CDH13: variants seen among roughly 807,000 people sequenced by gnomAD.
CDH13 encodes the protein cadherin-13.
Under a neutral mutation model 63.8 loss-of-function variants are expected in CDH13, and 24 were observed. That is an observed-to-expected ratio of 0.38 (90% CI 0.27 to 0.53). The LOEUF (loss-of-function observed/expected upper bound fraction) is 0.53. Among genes scored for constraint, CDH13 ranks in the 20% least tolerant of loss-of-function variants. The pLI is 0.85. For missense variants in CDH13, 1,049 were observed against 903.1 expected, an observed-to-expected ratio of 1.16 and a Z score of -2.07; for synonymous variants, 503 against 355.3, an observed-to-expected ratio of 1.42 and a Z score of -4.67.
chr16:83,173,585 A>T (rs114825093), intron 4 of CDH13, among the ~76,000 whole-genome samples: 1 of 152,156 alleles, frequency 6.6e-6, no homozygotes, highest in African/African-American at 2.4e-5. Context: ...CAACTATTGC[A>T]CTGGACATAT....
chr16:83,247,763 G>T (rs8055902), intron 5 of CDH13, among the ~76,000 whole-genome samples: 23,461 of 152,044 alleles, frequency 0.15, 1,876 homozygotes, highest in Middle Eastern at 0.2. Flanking sequence ...AATCCTTTCA[G>T]TGGACAAACC....
At chr16:83,017,795 C>G (rs1434444892) in intron 2 of CDH13, among the ~76,000 whole-genome samples, 3 of 152,102 alleles carry the variant, frequency 2.0e-5, no homozygotes, top group African/African-American at 4.8e-5. Flanking sequence ...AACCAACACG[C>G]TTTGATGCCA....
intron 1 of CDH13, among the ~76,000 whole-genome samples, chr16:82,756,767 G>C (rs899723881): frequency 6.6e-6 from 1 of 152,162 alleles, no homozygotes; most frequent in East Asian, 1.9e-4. Context: ...AGCATTCTTG[G>C]AAGATTATGC....
intron 2 of CDH13, among the ~76,000 whole-genome samples, chr16:82,913,192 T>G (rs986649153): frequency 6.6e-6 from 1 of 151,976 alleles, no homozygotes; most frequent in Non-Finnish European, 1.5e-5. Flanking sequence ...GTCTAAAAAG[T>G]GTTTCTAGGT....
chr16:83,117,472 C>T (rs1415348931), intron 3 of CDH13, among the ~76,000 whole-genome samples: 4 of 152,144 alleles, frequency 2.6e-5, no homozygotes, highest in African/African-American at 9.7e-5. Flanking sequence ...CTGAGCACTT[C>T]CAGCCCTCCT....
chr16:82,943,952 A>G (rs984027569), intron 2 of CDH13, among the ~76,000 whole-genome samples: 59 of 152,188 alleles, frequency 3.9e-4, no homozygotes, highest in Admixed American at 3.5e-3. Flanking sequence ...GGCCCAGGCA[A>G]TGTTGTCCTT....
At chr16:83,544,178 A>G (rs527436342) in intron 7 of CDH13, among the ~76,000 whole-genome samples, 1 of 152,276 alleles carries the variant, frequency 6.6e-6, no homozygotes, top group South Asian at 2.1e-4. Context: ...TACAGTCCCC[A>G]CATTGCAGAA....
At chr16:83,067,614 G>C (rs969894151) in intron 3 of CDH13, among the ~76,000 whole-genome samples, 1 of 152,226 alleles carries the variant, frequency 6.6e-6, no homozygotes, top group East Asian at 1.9e-4. Flanking sequence ...TTTAACTTTA[G>C]GGATAAAATG....
intron 1 of CDH13, among the ~76,000 whole-genome samples, chr16:82,747,022 G>C (rs1449825360): frequency 6.6e-6 from 1 of 152,286 alleles, no homozygotes; most frequent in East Asian, 1.9e-4. Flanking sequence ...GATTGTCTTA[G>C]TCCTCTTCTA....
intron 8 of CDH13, among the ~76,000 whole-genome samples, chr16:83,647,433 C>T (rs1469324775): frequency 6.6e-6 from 1 of 152,138 alleles, no homozygotes; most frequent in Non-Finnish European, 1.5e-5. Flanking sequence ...GAAAGTTTCT[C>T]CCCCATTTTG....
chr16:83,106,614 C>T (rs889620906), intron 3 of CDH13, among the ~76,000 whole-genome samples: 3 of 152,266 alleles, frequency 2.0e-5, no homozygotes, highest in African/African-American at 7.2e-5. Flanking sequence ...CATGTTGATA[C>T]ATCCACAAGA....
intron 4 of CDH13, among the ~76,000 whole-genome samples, chr16:83,153,246 G>C (rs2037065771): frequency 6.6e-6 from 1 of 152,022 alleles, no homozygotes; most frequent in Admixed American, 6.6e-5. Context: ...TGAAATCATG[G>C]GGTGTCATGT....
chr16:83,726,024 C>G (rs772180269), intron 10 of CDH13: 1 of 152,186 alleles, frequency 6.6e-6, no homozygotes, highest in Non-Finnish European at 1.5e-5. Context: ...CTTTATTTTT[C>G]TCAGCTTTTT....
chr16:83,100,465 G>A (rs907222443), intron 3 of CDH13, among the ~76,000 whole-genome samples: 1 of 152,080 alleles, frequency 6.6e-6, no homozygotes, highest in East Asian at 1.9e-4. Flanking sequence ...ATGCAGCATT[G>A]GTTTAGAGAC....
At chr16:82,763,146 G>C (rs1567509832) in intron 1 of CDH13, among the ~76,000 whole-genome samples, 1 of 152,172 alleles carries the variant, frequency 6.6e-6, no homozygotes, top group Non-Finnish European at 1.5e-5. Flanking sequence ...TGCTCTTGCT[G>C]CTTGACCTGC....
intron 7 of CDH13, among the ~76,000 whole-genome samples, chr16:83,511,230 C>T (rs1295533313): frequency 1.3e-5 from 2 of 152,188 alleles, no homozygotes; most frequent in Non-Finnish European, 2.9e-5. Context: ...GGGAGGCCTA[C>T]AAGGGCAGAT....
Position 83,167,083 on chromosome 16 carries a change from T to C in CDH13, c.483+41582T>C, listed in dbSNP as rs1308726882. On this transcript the variant is annotated intron_variant, in intron 4 of 13. Transcript: ENST00000567109. ...AACACGGCAGATTTCTCCTGGTGTTTTAATAATTCCACGAAGGTTTATGAA... is the reference window on the plus strand; with the variant it reads ...AACACGGCAGATTTCTCCTGGTGTTCTAATAATTCCACGAAGGTTTATGAA... 2.0e-5 allele frequency among the ~76,000 whole-genome samples: 3 copies of C among 152,134 alleles called. No homozygotes were observed. In the East Asian group the frequency reaches 5.8e-4, roughly 29 times the overall value.
intron 10 of CDH13, among the ~76,000 whole-genome samples, chr16:83,713,442 A>G (rs958404104): frequency 6.6e-6 from 1 of 151,820 alleles, no homozygotes; most frequent in Non-Finnish European, 1.5e-5. Context: ...GGAGGGAGGG[A>G]GATTTTGAAG....
chr16:82,743,736 G>C (rs575905645), intron 1 of CDH13, among the ~76,000 whole-genome samples: 9 of 152,192 alleles, frequency 5.9e-5, no homozygotes, highest in Non-Finnish European at 8.8e-5. Flanking sequence ...CACTGTTAAT[G>C]TTTTCTCACA....
Sources: gnomAD v4.1 joint callset for allele counts (sites outside exome capture counted in the v4.1 genomes callset) on GRCh38, gnomAD v4.1.1 for gene constraint, MANE v1.5 for transcripts, NCBI Gene and HGNC (gene_info 2026-07-23, HGNC 2026-07-21) for gene names.